ORC3: variants seen among roughly 807,000 people sequenced by gnomAD.
ORC3 encodes the protein origin recognition complex subunit 3.
ORC3 carries 78 observed loss-of-function variants against 100.7 expected under a neutral mutation model. The ratio of observed to expected loss-of-function variants is 0.77; its 90% CI spans 0.65 to 0.94. The LOEUF is 0.94. Among genes scored for constraint, ORC3 ranks in the 40% least tolerant of loss-of-function variants. The pLI is 0.00. For missense variants in ORC3, 789 were observed against 823.9 expected, an observed-to-expected ratio of 0.96 and a Z score of 0.52; for synonymous variants, 295 against 289.3, an observed-to-expected ratio of 1.02 and a Z score of -0.20.
Position 87,665,950 on chromosome 6 carries a change from G to A in ORC3, c.2030+117G>A, listed in dbSNP as rs552710076. On this transcript the variant is annotated intron_variant, in intron 19 of 19. Transcript: ENST00000392844. ...CGTACTCCAAACAACCGTATTACTT[G>A]TTAATATTAACCATATGGTGCTAGA... 14 of 580,872 alleles carry A rather than the reference G, an allele frequency of 2.4e-5. No individual in the cohort carries two copies. The South Asian group carries it at 3.1e-4, about 13-fold the overall frequency. The allele number at this position is 580,872 out of a possible 1,614,324, so 36.0% of individuals were successfully genotyped here.
chr6:87,602,954 A>AATATATATATATACACATATATAATAT (rs1554236513), intron 3 of ORC3, among the ~76,000 whole-genome samples: 19 of 95,258 alleles, frequency 2.0e-4, no homozygotes, highest in African/African-American at 8.0e-4. Flanking sequence ...ACACATATAT[A>AATATATATATATACACATATATAATAT]ATATATATAT....
chr6:87,632,299 G>A (rs895405905), intron 11 of ORC3, among the ~76,000 whole-genome samples: 1 of 152,156 alleles, frequency 6.6e-6, no homozygotes, highest in Admixed American at 6.5e-5. Flanking sequence ...GTTTTTTGTT[G>A]CAACTGATAA....
chr6:87,639,547 G>A (rs995027186), intron 13 of ORC3, among the ~76,000 whole-genome samples: 1 of 152,152 alleles, frequency 6.6e-6, no homozygotes, highest in Non-Finnish European at 1.5e-5. Flanking sequence ...CCTGGGGACT[G>A]TAGAGTAAGT....
intron 8 of ORC3, among the ~76,000 whole-genome samples, chr6:87,613,723 A>G (rs928751292): frequency 9.9e-5 from 15 of 152,200 alleles, no homozygotes; most frequent in African/African-American, 3.4e-4. Flanking sequence ...CAAATCTGAA[A>G]TCCAGCGAGG....
chr6:87,628,727 T>C (rs1476192362), intron 11 of ORC3, among the ~76,000 whole-genome samples: 1 of 152,216 alleles, frequency 6.6e-6, no homozygotes, highest in African/African-American at 2.4e-5. Context: ...CTTATCATAG[T>C]GTCTCATGAA....
In ORC3 at chr6:87,657,741, C is replaced by T. The variant is rs919593823; in HGVS notation, c.1594-180C>T. Reference sequence around the variant, plus strand: ...ATTATAAAGCAAAACACCTTTGAGGCGAGATTCTTGCCAGACCTTAAAAAT... The same window carrying T: ...ATTATAAAGCAAAACACCTTTGAGGTGAGATTCTTGCCAGACCTTAAAAAT... On this transcript the variant is annotated intron_variant, in intron 15 of 19. Coordinates refer to ENST00000392844, the MANE Select transcript of ORC3 (RefSeq NM_012381.4). Among the ~76,000 whole-genome samples the T allele has an allele frequency of 9.2e-5, 14 of 152,106 alleles. 1 individual carries two copies. The highest frequency in any genetic ancestry group is 3.4e-4 in the African/African-American group (14 of 41,428).
At chr6:87,672,097 A>T (rs1333830853), downstream of ORC3, among the ~76,000 whole-genome samples, 1 of 152,208 alleles carries the variant, frequency 6.6e-6, no homozygotes, top group African/African-American at 2.4e-5. Context: ...GTAGCTATTT[A>T]AAAAAGAGAC....
chr6:87,644,611 G>A (rs1768599129), intron 13 of ORC3, among the ~76,000 whole-genome samples: 1 of 152,230 alleles, frequency 6.6e-6, no homozygotes, highest in Middle Eastern at 3.4e-3. Context: ...TGAGGCAGGA[G>A]AATTGCTTGA....
downstream of ORC3, among the ~76,000 whole-genome samples, chr6:87,668,737 C>T (rs755615856): frequency 2.6e-5 from 4 of 151,908 alleles, no homozygotes; most frequent in African/African-American, 2.4e-5. Context: ...AATCCCAGCA[C>T]TTTGGGAAGC....
At chr6:87,674,769 C>T in the ORC3 span, among the ~76,000 whole-genome samples, 2 of 151,066 alleles carry the variant, frequency 1.3e-5, no homozygotes, top group East Asian at 3.9e-4. Flanking sequence ...CCACCGCGCC[C>T]AGCAGAAGAA....
intron 13 of ORC3, among the ~76,000 whole-genome samples, chr6:87,645,801 T>C (rs1768719931): frequency 6.6e-6 from 1 of 152,158 alleles, no homozygotes; most frequent in South Asian, 2.1e-4. Flanking sequence ...TTGCTTTTAA[T>C]GATTGCTTAA....
chr6:87,672,317 C>CA (rs1382735423), downstream of ORC3, among the ~76,000 whole-genome samples: 6 of 152,068 alleles, frequency 3.9e-5, no homozygotes, highest in Non-Finnish European at 1.5e-5. Flanking sequence ...GATATAGGAT[C>CA]AAAAGATTTT....
chr6:87,625,402 A>C (rs1429381391), intron 11 of ORC3, among the ~76,000 whole-genome samples: 1 of 152,122 alleles, frequency 6.6e-6, no homozygotes, highest in African/African-American at 2.4e-5. Context: ...CTGGTGTGAG[A>C]TGGTATCTCA....
At chr6:87,614,861 A>C (rs6454636) in intron 8 of ORC3, among the ~76,000 whole-genome samples, 91,106 of 151,942 alleles carry the variant, frequency 0.6, 27,938 homozygotes, top group African/African-American at 0.72. Flanking sequence ...CTAGGTAGTT[A>C]CAAACTTTCC....
intron 13 of ORC3, among the ~76,000 whole-genome samples, chr6:87,642,516 G>C (rs1396326936): frequency 6.6e-6 from 1 of 152,154 alleles, no homozygotes; most frequent in Non-Finnish European, 1.5e-5. Context: ...CCGGGAGGCA[G>C]AGGTTGCAGT....
At chr6:87,593,390 C>A (rs1406847566) in intron 1 of ORC3, among the ~76,000 whole-genome samples, 1 of 152,068 alleles carries the variant, frequency 6.6e-6, no homozygotes, top group African/African-American at 2.4e-5. Flanking sequence ...GGAGACACAC[C>A]CATAAACAAC....
At chr6:87,620,267 A>G (rs745661315) in intron 9 of ORC3, among the ~76,000 whole-genome samples, 2 of 152,218 alleles carry the variant, frequency 1.3e-5, no homozygotes, top group Non-Finnish European at 2.9e-5. Flanking sequence ...TCACTTTGAC[A>G]TAATTAGAAA....
In ORC3 at chr6:87,601,801, G is replaced by C. The variant is rs1777921322; in HGVS notation, c.97G>C (p.Gly33Arg). The C allele has an allele frequency of 1.9e-6, 3 of 1,603,010 alleles. No individual in the cohort carries two copies. Among genetic ancestry groups the C allele is most frequent in the Non-Finnish European group, 1.7e-6 (2 of 1,170,254 alleles). Residue 33 changes from glycine (G) to arginine (R), a missense_variant, in exon 3 of 20, where the codon GGG (glycine) becomes CGG (arginine). Physicochemically the swap from Gly to Arg is moderately radical, Grantham distance 125 (BLOSUM62 -2). Coordinates refer to ENST00000392844, the MANE Select transcript of ORC3 (RefSeq NM_012381.4). Reference sequence around the variant, plus strand: ...GTTTTTAGAGGACTATTTTAACAAAGGGAAAAATGAGCCTGAGGACAGTAA... The same window carrying C: ...GTTTTTAGAGGACTATTTTAACAAACGGAAAAATGAGCCTGAGGACAGTAA... ...SLPIEDYFNK[G>R]KNEPEDSKLR...
chr6:87,610,463 T>C (rs1778662250), intron 7 of ORC3, among the ~76,000 whole-genome samples: 2 of 152,218 alleles, frequency 1.3e-5, no homozygotes, highest in East Asian at 1.9e-4. Context: ...CCTTCCTTAG[T>C]GCTCTTTGGG....
Sources: allele counts gnomAD v4.1 joint callset (sites outside exome capture counted in the v4.1 genomes callset), GRCh38; gene constraint gnomAD v4.1.1; transcripts MANE v1.5; gene names NCBI Gene and HGNC (gene_info 2026-07-23, HGNC 2026-07-21).